Variants in DGKB observed in about 807,000 individuals in gnomAD.
DGKB encodes 90 kDa diacylglycerol kinase.
DGKB carries 67 observed loss-of-function variants against 114.3 expected under a neutral mutation model. The ratio of observed to expected loss-of-function variants is 0.59; its 90% confidence interval spans 0.48 to 0.72. The LOEUF (loss-of-function observed/expected upper bound fraction) is 0.72, where lower values mean the gene tolerates loss of function less well. Among genes scored for constraint, DGKB ranks in the 30% least tolerant of loss-of-function variants. The pLI, the probability that DGKB is intolerant of heterozygous loss-of-function variation, is 0.00. For missense variants in DGKB, 907 were observed against 975.2 expected, an observed-to-expected ratio of 0.93 and a Z score of 0.93; for synonymous variants, 398 against 323.1, an observed-to-expected ratio of 1.23 and a Z score of -2.49.
intron 1 of DGKB, among the ~76,000 whole-genome samples, chr7:14,935,293 C>A (rs1434286352): frequency 6.6e-6 from 1 of 150,704 alleles, no homozygotes; most frequent in African/African-American, 2.5e-5. Context: ...ATAGCAACAG[C>A]AAGATGAACT....
chr7:14,348,873 T>A (rs1342749329), intron 21 of DGKB, among the ~76,000 whole-genome samples: 2 of 151,164 alleles, frequency 1.3e-5, no homozygotes, highest in South Asian at 2.1e-4. Flanking sequence ...CCTTTGGGAG[T>A]GCTGTATGAT....
upstream of DGKB, among the ~76,000 whole-genome samples, chr7:14,908,221 T>G (rs193037625): frequency 7.2e-5 from 11 of 152,292 alleles, no homozygotes; most frequent in African/African-American, 2.6e-4. Flanking sequence ...TTTTATTTTA[T>G]TTTTTTGAGA....
chr7:14,815,680 T>A (rs1040098894), intron 2 of DGKB, among the ~76,000 whole-genome samples: 1 of 152,110 alleles, frequency 6.6e-6, no homozygotes, highest in African/African-American at 2.4e-5. Context: ...GGGTTTAGTG[T>A]TGGGGATAGA....
At chr7:14,692,244 T>C (rs1490509875) in intron 9 of DGKB, among the ~76,000 whole-genome samples, 1 of 152,172 alleles carries the variant, frequency 6.6e-6, no homozygotes. Flanking sequence ...TGTCCCTTTC[T>C]GCACTTTTCT....
intron 13 of DGKB, among the ~76,000 whole-genome samples, chr7:14,645,257 T>A (rs1018767655): frequency 6.6e-6 from 1 of 152,150 alleles, no homozygotes; most frequent in Non-Finnish European, 1.5e-5. Context: ...TTCTACTATA[T>A]CTTACTCACT....
intron 20 of DGKB, 31 bp from the exon 21 acceptor site, chr7:14,478,256 GATGGTTT>G (rs768278423): frequency 3.1e-6 from 4 of 1,307,304 alleles, no homozygotes; most frequent in Non-Finnish European, 4.3e-6. Context: ...ACAAAAACAG[GATGGTTT>G]ATGATCCTAT....
intron 9 of DGKB, among the ~76,000 whole-genome samples, chr7:14,691,641 T>G (rs1379880326): frequency 1.3e-5 from 2 of 152,174 alleles, no homozygotes; most frequent in African/African-American, 4.8e-5. Flanking sequence ...ATTATATGGC[T>G]TATACATTTT....
At chr7:14,169,728 T>C (rs1190259954) in intron 25 of DGKB, among the ~76,000 whole-genome samples, 1 of 152,172 alleles carries the variant, frequency 6.6e-6, no homozygotes, top group Non-Finnish European at 1.5e-5. Flanking sequence ...TGGATAGCTT[T>C]GGCTGCAGTG....
chr7:14,342,141 T>C (rs1811705701), intron 22 of DGKB, among the ~76,000 whole-genome samples: 1 of 151,892 alleles, frequency 6.6e-6, no homozygotes, highest in Non-Finnish European at 1.5e-5. Context: ...GTGTTTTTGA[T>C]GCTAGTCATG....
At chr7:14,294,477 GA>G (rs1455562270) in intron 23 of DGKB, among the ~76,000 whole-genome samples, 1 of 152,134 alleles carries the variant, frequency 6.6e-6, no homozygotes, top group Non-Finnish European at 1.5e-5. Context: ...ATGATATAAA[GA>G]TTACCATACT....
chr7:14,460,476 T>C (rs1347760545), intron 21 of DGKB, among the ~76,000 whole-genome samples: 1 of 150,628 alleles, frequency 6.6e-6, no homozygotes, highest in Non-Finnish European at 1.5e-5. Flanking sequence ...TAAAACAGAC[T>C]TTAAATCAAC....
At chr7:14,794,354 A>T (rs1167166458) in intron 2 of DGKB, among the ~76,000 whole-genome samples, 1 of 152,122 alleles carries the variant, frequency 6.6e-6, no homozygotes, top group Admixed American at 6.6e-5. Context: ...TTTTATGGAG[A>T]TATAGAAAAT....
intron 1 of DGKB, among the ~76,000 whole-genome samples, chr7:14,942,870 T>C (rs1283446806): frequency 6.6e-6 from 1 of 152,084 alleles, no homozygotes; most frequent in African/African-American, 2.4e-5. Context: ...TGAATTATTT[T>C]ATTTTCATAG....
intron 2 of DGKB, among the ~76,000 whole-genome samples, chr7:14,763,928 A>G (rs917541625): frequency 1.3e-5 from 2 of 152,016 alleles, no homozygotes; most frequent in African/African-American, 4.8e-5. Context: ...TTTCCAGGCT[A>G]ATATGATAGT....
chr7:14,377,039 C>T (rs11983089), intron 21 of DGKB, among the ~76,000 whole-genome samples: 86,470 of 151,972 alleles, frequency 0.57, 25,245 homozygotes, highest in East Asian at 0.65. Context: ...CTGCATTTTA[C>T]ATATTTAAGT....
At chr7:14,941,145 C>A (rs1785549750) in intron 1 of DGKB, among the ~76,000 whole-genome samples, 1 of 151,700 alleles carries the variant, frequency 6.6e-6, no homozygotes, top group Non-Finnish European at 1.5e-5. Flanking sequence ...AAAACAAAGC[C>A]AGCTAACTTC....
At chr7:14,767,209 TAA>T (rs147028134) in intron 2 of DGKB, among the ~76,000 whole-genome samples, 43 of 150,664 alleles carry the variant, frequency 2.9e-4, no homozygotes, top group African/African-American at 1.0e-3. Flanking sequence ...AATAAAAAAT[TAA>T]AAAAAAAATT....
At chr7:14,165,415 T>C (rs1162752321) in intron 25 of DGKB, among the ~76,000 whole-genome samples, 1 of 152,176 alleles carries the variant, frequency 6.6e-6, no homozygotes, top group African/African-American at 2.4e-5. Context: ...TAAAAGGAGA[T>C]CCACCTATCA....
intron 6 of DGKB, among the ~76,000 whole-genome samples, chr7:14,714,758 C>T (rs1027118738): frequency 6.6e-6 from 1 of 152,098 alleles, no homozygotes; most frequent in African/African-American, 2.4e-5. Context: ...GTCTCTGCCA[C>T]TCAGTATAGT....
Sources: gnomAD v4.1 joint callset for allele counts (sites outside exome capture counted in the v4.1 genomes callset) on GRCh38, gnomAD v4.1.1 for gene constraint, MANE v1.5 for transcripts, NCBI Gene and HGNC (gene_info 2026-07-23, HGNC 2026-07-21) for gene names.